Variants in DOCK10 observed in about 807,000 individuals in gnomAD.
DOCK10 encodes dedicator of cytokinesis protein 10.
A neutral mutation model predicts 280.1 loss-of-function variants in DOCK10; 145 were observed. That is an observed-to-expected ratio of 0.52 (90% CI 0.45 to 0.59). The LOEUF (loss-of-function observed/expected upper bound fraction) is 0.59. Ranked by LOEUF, DOCK10 falls within the 20% of genes least tolerant of loss-of-function variation. The pLI, the probability that DOCK10 is intolerant of heterozygous loss-of-function variation, is 0.00. For missense variants in DOCK10, 2,368 were observed against 2,651.7 expected, an observed-to-expected ratio of 0.89 and a Z score of 2.35; for synonymous variants, 915 against 942.2, an observed-to-expected ratio of 0.97 and a Z score of 0.53.
intron 1 of DOCK10, among the ~76,000 whole-genome samples, chr2:224,936,094 A>T (rs1459738315): frequency 6.6e-6 from 1 of 152,166 alleles, no homozygotes; most frequent in Admixed American, 6.6e-5. Flanking sequence ...TATGGTGGAG[A>T]TAGGCTTAAT....
chr2:224,947,070 A>G, intron 1 of DOCK10: 1 of 1,394,276 alleles, frequency 7.2e-7, no homozygotes, highest in South Asian at 1.7e-5. Context: ...GGAAATGCTC[A>G]TGCTACATGA....
At chr2:224,988,262 TC>T (rs2126266052) in intron 1 of DOCK10, among the ~76,000 whole-genome samples, 1 of 152,250 alleles carries the variant, frequency 6.6e-6, no homozygotes, top group African/African-American at 2.4e-5. Context: ...TGTAATTACA[TC>T]CTGATTGATT....
At chr2:224,814,635 C>T (rs1448641593) in intron 30 of DOCK10, among the ~76,000 whole-genome samples, 1 of 152,108 alleles carries the variant, frequency 6.6e-6, no homozygotes, top group Non-Finnish European at 1.5e-5. Flanking sequence ...GATTTTCCTG[C>T]CTCAGTCTCC....
At position 224,965,205 on chromosome 2, in the gene DOCK10, G is replaced by A. The variant is rs190278661; in HGVS notation, c.124-33537C>T. ...GATGTATTGAACAAATAGCTTATTC[G>A]ATGGGAAATGCTTTAACTTCATAGT... On this transcript the variant is annotated intron_variant, in intron 1 of 55. Transcript: ENST00000258390. 2.8e-3 allele frequency among the ~76,000 whole-genome samples: 428 copies of A among 152,258 alleles called. 2 individuals are homozygous for A. The highest frequency in any genetic ancestry group is 4.5e-3 in the Non-Finnish European group (307 of 68,012).
chr2:224,860,382 T>C (rs1457865144), intron 14 of DOCK10, among the ~76,000 whole-genome samples: 3 of 152,120 alleles, frequency 2.0e-5, no homozygotes, highest in African/African-American at 7.2e-5. Context: ...GTAATAATAA[T>C]ATTAGAAAAA....
intron 1 of DOCK10, among the ~76,000 whole-genome samples, chr2:225,014,109 T>TTTTTTA (rs1689527543): frequency 1.4e-5 from 2 of 145,262 alleles, no homozygotes; most frequent in Admixed American, 6.9e-5. Context: ...TTTTTTTTTT[T>TTTTTTA]AAGAAATACA....
intron 3 of DOCK10, among the ~76,000 whole-genome samples, chr2:224,911,444 T>C (rs551268652): frequency 4.3e-4 from 66 of 152,264 alleles, no homozygotes; most frequent in Non-Finnish European, 6.9e-4. Context: ...GTCTCTTGTG[T>C]TGTATGGATC....
At chr2:225,023,665 A>G (rs974754758) in intron 1 of DOCK10, among the ~76,000 whole-genome samples, 25 of 152,200 alleles carry the variant, frequency 1.6e-4, no homozygotes, top group African/African-American at 5.8e-4. Context: ...AAGTTGAAGC[A>G]GGGCTCCCCT....
At chr2:224,891,349 A>G (rs951606775) in intron 4 of DOCK10, among the ~76,000 whole-genome samples, 4 of 152,194 alleles carry the variant, frequency 2.6e-5, no homozygotes, top group Non-Finnish European at 4.4e-5. Context: ...AAAAAATTGT[A>G]CAACAGATAC....
At chr2:224,800,017 C>T in intron 41 of DOCK10, 134 bp downstream of exon 41, 1 of 510,186 alleles carries the variant, frequency 2.0e-6, no homozygotes, top group Non-Finnish European at 3.5e-6. Context: ...ATGTTTTCCA[C>T]TCACACTTAG....
rs371455823 is a variant in DOCK10, at chr2:224,888,346, CAT to C, written c.417-1817_417-1816del. Among the ~76,000 whole-genome samples the C allele has an allele frequency of 8.0e-5, 12 of 149,992 alleles. No individual in the cohort carries two copies. The East Asian group carries it at 1.2e-3, about 15-fold the overall frequency. ...GTGCGTGTGTATACATGTGTGAATA[CAT>C]ATGTGTGTGTCTGTATGTATTGTAT... On this transcript the variant is annotated intron_variant, in intron 4 of 55. Transcript: ENST00000258390.
chr2:224,849,075 A>C (rs1235686158), intron 19 of DOCK10, among the ~76,000 whole-genome samples: 2 of 152,200 alleles, frequency 1.3e-5, no homozygotes, highest in African/African-American at 4.8e-5. Context: ...TCCCTGGTTC[A>C]AGCGAGTCTC....
At chr2:224,784,098 A>G (rs1691561875) in intron 50 of DOCK10, among the ~76,000 whole-genome samples, 1 of 152,132 alleles carries the variant, frequency 6.6e-6, no homozygotes, top group African/African-American at 2.4e-5. Context: ...TTGTTCTCCA[A>G]ATTTCTTACC....
chr2:224,783,289 T>TC (rs970304610), intron 50 of DOCK10, among the ~76,000 whole-genome samples: 14 of 147,228 alleles, frequency 9.5e-5, no homozygotes, highest in African/African-American at 3.6e-4. Context: ...TTTTTTTTTT[T>TC]CTTGAGGCAG....
At chr2:224,801,702 TAAACATA>T (rs2125179803) in intron 40 of DOCK10, among the ~76,000 whole-genome samples, 1 of 152,288 alleles carries the variant, frequency 6.6e-6, no homozygotes, top group Admixed American at 6.5e-5. Flanking sequence ...GGAGCTATGC[TAAACATA>T]TGATATTGAG....
chr2:225,020,603 T>C (rs1051085184), intron 1 of DOCK10, among the ~76,000 whole-genome samples: 1 of 152,246 alleles, frequency 6.6e-6, no homozygotes, highest in African/African-American at 2.4e-5. Context: ...GTAGCTATTT[T>C]AAGATTCTAA....
chr2:224,781,210 C>T (rs1345713162), intron 50 of DOCK10, among the ~76,000 whole-genome samples: 3 of 152,176 alleles, frequency 2.0e-5, no homozygotes, highest in African/African-American at 7.2e-5. Context: ...GCTTCTCTTG[C>T]CTGGGCAACT....
chr2:224,886,400 C>T, intron 5 of DOCK10, 59 bp downstream of exon 5: 3 of 1,541,318 alleles, frequency 1.9e-6, no homozygotes, highest in Non-Finnish European at 2.7e-6. Flanking sequence ...ACTTTCAGTG[C>T]AAGACAGAAA....
At chr2:225,029,242 G>A (rs1390481545) in intron 1 of DOCK10, among the ~76,000 whole-genome samples, 1 of 152,196 alleles carries the variant, frequency 6.6e-6, no homozygotes, top group Non-Finnish European at 1.5e-5. Context: ...CACAATCTCG[G>A]CTCACTGCAA....
Sources: gnomAD v4.1 joint callset for allele counts (sites outside exome capture counted in the v4.1 genomes callset) on GRCh38, gnomAD v4.1.1 for gene constraint, MANE v1.5 for transcripts, NCBI Gene and HGNC (gene_info 2026-07-23, HGNC 2026-07-21) for gene names.